The following C12orf75 variants were observed in gnomAD, a reference collection of about 807,000 sequenced individuals.
C12orf75 encodes the protein chromosome 12 open reading frame 75, also known as overexpressed in colon carcinoma 1 protein.
A neutral mutation model predicts 11.4 loss-of-function variants in C12orf75; 4 were observed. The ratio of observed to expected loss-of-function variants is 0.35; its 90% CI spans 0.17 to 0.80. C12orf75 has a LOEUF of 0.80. C12orf75 is among the 30% of genes least tolerant of loss of function. C12orf75 has a pLI of 0.52. For missense variants in C12orf75, 89 were observed against 80.4 expected, an observed-to-expected ratio of 1.11 and a Z score of -0.41; for synonymous variants, 30 against 30.0, an observed-to-expected ratio of 1.00 and a Z score of 0.00.
rs2136137528 is a variant in C12orf75 at position 105,330,836 on chromosome 12, C to A, written c.-56C>A. 6 of 1,240,762 alleles carry A rather than the reference C, an allele frequency of 4.8e-6. No homozygotes were observed. In the South Asian group the frequency reaches 1.7e-4, roughly 35 times the overall value. 76.9% of individuals were successfully genotyped at this position (1,240,762 alleles called of 1,614,324 possible). A position where few individuals can be genotyped will look rare whatever the true frequency, so the allele number is the denominator to read the frequency against. On this transcript the variant is annotated 5_prime_UTR_variant, in exon 1 of 6. Coordinates refer to ENST00000443585, the MANE Select transcript of C12orf75 (RefSeq NM_001145199.2). Reference sequence around the variant, plus strand: ...GCGCCGCCCTTCGTCTGGGTCTCCGCCCCCAGGACCCGCGGCCGAGAGCTC... The same window carrying A: ...GCGCCGCCCTTCGTCTGGGTCTCCGACCCCAGGACCCGCGGCCGAGAGCTC...
At chr12:105,333,662 C>T (rs1892465391) in intron 1 of C12orf75, among the ~76,000 whole-genome samples, 1 of 152,000 alleles carries the variant, frequency 6.6e-6, no homozygotes, top group African/African-American at 2.4e-5. Context: ...ATTTTGGTTT[C>T]TTTGTTTATA....
chr12:105,342,141 C>G (rs528446433), intron 1 of C12orf75, among the ~76,000 whole-genome samples: 1 of 152,200 alleles, frequency 6.6e-6, no homozygotes. Context: ...GGTTTGAGTG[C>G]GTTCCCCAAC....
At chr12:105,361,481 C>T (rs915499811) in intron 2 of C12orf75, among the ~76,000 whole-genome samples, 10 of 152,112 alleles carry the variant, frequency 6.6e-5, no homozygotes, top group Non-Finnish European at 1.0e-4. Context: ...CAGTTTTGAA[C>T]AGCCACTTCT....
intron 1 of C12orf75, among the ~76,000 whole-genome samples, chr12:105,333,385 A>G (rs1334030574): frequency 6.6e-6 from 1 of 152,248 alleles, no homozygotes; most frequent in Non-Finnish European, 1.5e-5. Flanking sequence ...CTGTTGACCA[A>G]GCTGCACACT....
intron 2 of C12orf75, among the ~76,000 whole-genome samples, chr12:105,357,640 A>C (rs1892799698): frequency 6.6e-6 from 1 of 152,202 alleles, no homozygotes; most frequent in South Asian, 2.1e-4. Context: ...TTAGGCTAGG[A>C]GATGATTATG....
At chr12:105,363,191 G>C (rs1227546222) in intron 2 of C12orf75, among the ~76,000 whole-genome samples, 1 of 152,236 alleles carries the variant, frequency 6.6e-6, no homozygotes, top group Non-Finnish European at 1.5e-5. Flanking sequence ...TCTGCACCTG[G>C]TTCCTCAGGC....
intron 1 of C12orf75, among the ~76,000 whole-genome samples, chr12:105,335,669 G>C (rs1041255806): frequency 1.3e-5 from 2 of 151,494 alleles, no homozygotes; most frequent in African/African-American, 4.9e-5. Flanking sequence ...ATTTTTAATG[G>C]AACTCACTCT....
intron 1 of C12orf75, among the ~76,000 whole-genome samples, chr12:105,343,861 TACAC>T (rs557631821): frequency 9.4e-4 from 143 of 152,198 alleles, no homozygotes; most frequent in African/African-American, 3.3e-3. Flanking sequence ...TTTACAATCA[TACAC>T]ACACACAGAC....
chr12:105,345,135 C>T (rs1892622361), intron 1 of C12orf75, among the ~76,000 whole-genome samples: 2 of 152,006 alleles, frequency 1.3e-5, no homozygotes, highest in Admixed American at 6.6e-5. Flanking sequence ...TTAAAACAGA[C>T]CTTAAGACTG....
Position 105,366,633 on chromosome 12 carries a change from T to TCTGAAGCTGTCA in C12orf75, c.124_125insCTGAAGCTGTCA (p.Tyr42delinsSerGluAlaValAsn), listed in dbSNP as rs1199436842. The TCTGAAGCTGTCA allele has an allele frequency of 6.5e-7, 1 of 1,533,414 alleles. No homozygotes were observed. The highest frequency in any genetic ancestry group is 8.8e-7 in the Non-Finnish European group (1 of 1,131,134). 95.0% of individuals were successfully genotyped at this position (1,533,414 alleles called of 1,614,324 possible). A position where few individuals can be genotyped will look rare whatever the true frequency, so the allele number is the denominator to read the frequency against. On this transcript the variant is annotated protein_altering_variant, in exon 4 of 6. Coordinates refer to ENST00000443585, the MANE Select transcript of C12orf75 (RefSeq NM_001145199.2). ...TTTATCAAGAAACTATGGAGGAGTA[T>TCTGAAGCTGTCA]ATGTTGGCCTACCATCTGAAGCTGT...
At chr12:105,338,859 T>C (rs1322619955) in intron 1 of C12orf75, among the ~76,000 whole-genome samples, 1 of 152,128 alleles carries the variant, frequency 6.6e-6, no homozygotes, top group Non-Finnish European at 1.5e-5. Context: ...CACCTCCCAT[T>C]AGACCCCACC....
At chr12:105,368,622 A>T (rs1043924869) in intron 5 of C12orf75, among the ~76,000 whole-genome samples, 2 of 152,222 alleles carry the variant, frequency 1.3e-5, no homozygotes, top group Admixed American at 1.3e-4. Context: ...GACTGATTTG[A>T]TACTGAACCA....
chr12:105,336,670 T>TA (rs1477839594), intron 1 of C12orf75, among the ~76,000 whole-genome samples: 3 of 152,070 alleles, frequency 2.0e-5, no homozygotes, highest in Admixed American at 1.3e-4. Flanking sequence ...AGGTCACAGA[T>TA]ACGTGGAAGA....
chr12:105,368,408 C>G (rs1475280823), intron 5 of C12orf75, among the ~76,000 whole-genome samples: 1 of 152,186 alleles, frequency 6.6e-6, no homozygotes, highest in Non-Finnish European at 1.5e-5. Context: ...AATTCAGGCT[C>G]TCATTTACTA....
intron 2 of C12orf75, 104 bp downstream of exon 2, chr12:105,348,730 T>A: frequency 2.9e-6 from 2 of 689,064 alleles, no homozygotes; most frequent in Non-Finnish European, 4.8e-6. Context: ...TGAAAAGACA[T>A]GGAAATACTT....
chr12:105,363,870 G>A (rs1892908459), intron 2 of C12orf75, among the ~76,000 whole-genome samples: 1 of 152,066 alleles, frequency 6.6e-6, no homozygotes, highest in South Asian at 2.1e-4. Context: ...TACATGTAAG[G>A]TTGTTGATTA....
chr12:105,348,485 AT>A, intron 1 of C12orf75, 116 bp from the exon 2 acceptor site: 2 of 573,364 alleles, frequency 3.5e-6, no homozygotes, highest in Non-Finnish European at 5.6e-6. Context: ...GTTTTTGAAA[AT>A]TTTTTTAAAC....
chr12:105,335,781 A>T (rs1020148716), intron 1 of C12orf75, among the ~76,000 whole-genome samples: 2 of 152,240 alleles, frequency 1.3e-5, no homozygotes, highest in Non-Finnish European at 2.9e-5. Context: ...ATGAAAGCCT[A>T]TACATTTTGT....
chr12:105,334,221 C>T (rs569789514), intron 1 of C12orf75, among the ~76,000 whole-genome samples: 2 of 152,296 alleles, frequency 1.3e-5, no homozygotes, highest in Admixed American at 1.3e-4. Flanking sequence ...TGTGGGACCT[C>T]CTCTGCTGGG....
Sources: allele counts gnomAD v4.1 joint callset (sites outside exome capture counted in the v4.1 genomes callset), GRCh38; gene constraint gnomAD v4.1.1; transcripts MANE v1.5; gene names NCBI Gene and HGNC (gene_info 2026-07-23, HGNC 2026-07-21).